Variants in TRAPPC9 observed in about 807,000 individuals in gnomAD.
TRAPPC9 encodes IKK2 binding protein.
A neutral mutation model predicts 124.0 loss-of-function variants in TRAPPC9; 83 were observed. The ratio of observed to expected loss-of-function variants is 0.67; its 90% CI spans 0.56 to 0.80. The LOEUF (loss-of-function observed/expected upper bound fraction) is 0.80, where lower values mean the gene tolerates loss of function less well. TRAPPC9 is among the 30% of genes least tolerant of loss of function. The probability of loss-of-function intolerance (pLI) is 0.00; values close to 1 mark genes in which losing one functional copy is unlikely to be tolerated. For missense variants in TRAPPC9, 1,302 were observed against 1,508.3 expected, an observed-to-expected ratio of 0.86 and a Z score of 2.27; for synonymous variants, 638 against 617.5, an observed-to-expected ratio of 1.03 and a Z score of -0.49.
At chr8:140,324,499 C>T (rs747792771) in intron 9 of TRAPPC9, among the ~76,000 whole-genome samples, 7 of 152,292 alleles carry the variant, frequency 4.6e-5, no homozygotes, top group South Asian at 2.1e-4. Flanking sequence ...GGCCAAGCAT[C>T]GTGGCTCACA....
At chr8:140,355,306 G>A (rs1424844438) in intron 9 of TRAPPC9, among the ~76,000 whole-genome samples, 2 of 152,158 alleles carry the variant, frequency 1.3e-5, no homozygotes, top group Non-Finnish European at 2.9e-5. Context: ...TTTTCTCACT[G>A]GGAACTAACA....
intron 17 of TRAPPC9, among the ~76,000 whole-genome samples, chr8:140,147,524 A>T (rs149157915): frequency 6.6e-6 from 1 of 152,352 alleles, no homozygotes; most frequent in East Asian, 1.9e-4. Flanking sequence ...TGCCTTTCTC[A>T]TAAGTAGCCA....
chr8:140,134,186 T>C (rs1311394853), intron 17 of TRAPPC9, among the ~76,000 whole-genome samples: 1 of 152,162 alleles, frequency 6.6e-6, no homozygotes, highest in East Asian at 1.9e-4. Context: ...GGTTCTGACA[T>C]AATAATAGAC....
chr8:139,936,137 G>A (rs1410988825), intron 19 of TRAPPC9, among the ~76,000 whole-genome samples: 4 of 152,146 alleles, frequency 2.6e-5, no homozygotes, highest in African/African-American at 4.8e-5. Context: ...CTGGATTCCC[G>A]GCATCCCTAA....
intron 17 of TRAPPC9, among the ~76,000 whole-genome samples, chr8:140,201,049 G>A (rs1034876644): frequency 4.6e-5 from 7 of 152,186 alleles, no homozygotes; most frequent in East Asian, 3.8e-4. Flanking sequence ...TGTCACCACC[G>A]TGCTATTCTA....
At chr8:139,816,992 G>A (rs960065262) in intron 21 of TRAPPC9, among the ~76,000 whole-genome samples, 4 of 150,158 alleles carry the variant, frequency 2.7e-5, no homozygotes, top group Non-Finnish European at 5.9e-5. Context: ...CATTTTTGAT[G>A]AATCCTTGTG....
intron 21 of TRAPPC9, among the ~76,000 whole-genome samples, chr8:139,802,946 T>C (rs1823646588): frequency 1.3e-5 from 2 of 152,060 alleles, no homozygotes; most frequent in African/African-American, 2.4e-5. Context: ...TGAATGTGTA[T>C]GTGAAGATGT....
At chr8:139,838,100 G>A (rs1047590575) in intron 21 of TRAPPC9, among the ~76,000 whole-genome samples, 3 of 152,124 alleles carry the variant, frequency 2.0e-5, no homozygotes, top group Non-Finnish European at 4.4e-5. Context: ...CTCTCTTTGT[G>A]GAATTCTCCC....
chr8:140,275,938 G>T, intron 14 of TRAPPC9, 117 bp from the exon 15 acceptor site: 1 of 825,998 alleles, frequency 1.2e-6, no homozygotes. Flanking sequence ...ACAGGGGCTA[G>T]GAAATCTGGG....
chr8:139,890,871 TA>T lies in TRAPPC9; in HGVS notation c.2965-4903del, dbSNP rs1000486205. Among the ~76,000 whole-genome samples the T allele has an allele frequency of 6.1e-3, 879 of 144,232 alleles. 3 individuals carry two copies. Among genetic ancestry groups the T allele is most frequent in the African/African-American group, 0.02 (802 of 39,612 alleles). The allele number at this position is 144,232 out of a possible 152,430, so 94.6% of individuals were successfully genotyped here. On this transcript the variant is annotated intron_variant, in intron 20 of 22. Coordinates refer to ENST00000438773, the MANE Select transcript of TRAPPC9 (RefSeq NM_001160372.4). Reference sequence around the variant, plus strand: ...TAAAAAATAAAAAAATTTAAAAATTTAAAAAAAAAAAAGAAAATATCTGTGG... The same window carrying T: ...TAAAAAATAAAAAAATTTAAAAATTTAAAAAAAAAAAGAAAATATCTGTGG...
chr8:139,853,319 C>A (rs1827609348), intron 21 of TRAPPC9, among the ~76,000 whole-genome samples: 1 of 152,160 alleles, frequency 6.6e-6, no homozygotes, highest in Non-Finnish European at 1.5e-5. Flanking sequence ...GAGGGGAGGC[C>A]AAGCGATCAG....
chr8:139,769,555 G>C (rs1246551855), intron 21 of TRAPPC9, among the ~76,000 whole-genome samples: 1 of 152,182 alleles, frequency 6.6e-6, no homozygotes, highest in Non-Finnish European at 1.5e-5. Context: ...GGTTGAACGA[G>C]GGTCACTGAA....
chr8:140,017,068 AG>A (rs1428306803), intron 18 of TRAPPC9, among the ~76,000 whole-genome samples: 1 of 152,228 alleles, frequency 6.6e-6, no homozygotes, highest in African/African-American at 2.4e-5. Context: ...CGGAGATAAC[AG>A]GTCATTTGAG....
chr8:139,747,244 C>T (rs1218228799), intron 21 of TRAPPC9, among the ~76,000 whole-genome samples: 2 of 152,172 alleles, frequency 1.3e-5, no homozygotes, highest in Non-Finnish European at 2.9e-5. Context: ...CCTCATCACA[C>T]AATGCCAACC....
intron 11 of TRAPPC9, among the ~76,000 whole-genome samples, chr8:140,292,500 A>T (rs1219993114): frequency 6.6e-6 from 1 of 152,220 alleles, no homozygotes; most frequent in Non-Finnish European, 1.5e-5. Flanking sequence ...CAGAGCTTTC[A>T]TAAGCATGTT....
intron 17 of TRAPPC9, among the ~76,000 whole-genome samples, chr8:140,145,153 G>C (rs1263450659): frequency 2.0e-5 from 3 of 152,134 alleles, no homozygotes; most frequent in African/African-American, 7.2e-5. Context: ...TGGGATTACA[G>C]GCATAAGCCA....
chr8:139,972,759 T>C (rs1836185377), intron 19 of TRAPPC9, among the ~76,000 whole-genome samples: 2 of 152,232 alleles, frequency 1.3e-5, no homozygotes, highest in Admixed American at 1.3e-4. Flanking sequence ...AATGAAAACT[T>C]GGACCCCAAA....
intron 21 of TRAPPC9, among the ~76,000 whole-genome samples, chr8:139,766,929 C>G (rs1820623111): frequency 6.6e-6 from 1 of 152,252 alleles, no homozygotes; most frequent in African/African-American, 2.4e-5. Context: ...ATCATATGCT[C>G]TCTTGCGTCC....
chr8:140,266,569 ATC>A (rs1308485349), intron 15 of TRAPPC9, among the ~76,000 whole-genome samples: 1 of 148,490 alleles, frequency 6.7e-6, no homozygotes, highest in African/African-American at 2.5e-5. Flanking sequence ...TTATAAACTC[ATC>A]TCTGTGGCCG....
Sources: allele counts gnomAD v4.1 joint callset (sites outside exome capture counted in the v4.1 genomes callset), GRCh38; gene constraint gnomAD v4.1.1; transcripts MANE v1.5; gene names NCBI Gene and HGNC (gene_info 2026-07-23, HGNC 2026-07-21).